Variants in LETM1 observed in about 807,000 individuals in gnomAD.
LETM1 encodes leucine zipper and EF-hand containing transmembrane protein 1, also known as mitochondrial proton/calcium exchanger protein.
Under a neutral mutation model 74.5 loss-of-function variants are expected in LETM1, and 50 were observed. That is an observed-to-expected ratio of 0.67 (90% CI 0.53 to 0.85). The LOEUF (loss-of-function observed/expected upper bound fraction) is 0.85, where lower values mean the gene tolerates loss of function less well. Among genes scored for constraint, LETM1 ranks in the 40% least tolerant of loss-of-function variants. The probability of loss-of-function intolerance (pLI) is 0.00; values close to 1 mark genes in which losing one functional copy is unlikely to be tolerated. For synonymous variants in LETM1, 446 were observed against 407.1 expected (o/e 1.10, Z -1.15); for missense variants, 824 against 967.8 (o/e 0.85, Z 1.97).
At chr4:1,825,738 G>A (rs1711965972) in intron 6 of LETM1, 55 bp from the exon 7 acceptor site, 1 of 1,552,422 alleles carries the variant, frequency 6.4e-7, no homozygotes. Context: ...GGGTGACAGT[G>A]TCTGTGTGAA....
intron 6 of LETM1, among the ~76,000 whole-genome samples, chr4:1,832,009 A>C (rs1029503960): frequency 3.3e-4 from 50 of 152,296 alleles, no homozygotes; most frequent in African/African-American, 1.2e-3. Flanking sequence ...GTATGAATAA[A>C]AGAGTAACCA....
At chr4:1,851,128 G>A (rs1713056786) in intron 1 of LETM1, among the ~76,000 whole-genome samples, 1 of 152,180 alleles carries the variant, frequency 6.6e-6, no homozygotes. Context: ...AGAGCCCATT[G>A]TGATCAAACT....
At chr4:1,833,116 G>A in intron 5 of LETM1, 169 bp from the exon 6 acceptor site, 2 of 618,328 alleles carry the variant, frequency 3.2e-6, no homozygotes, top group Non-Finnish European at 2.9e-6. Context: ...CTGTTACCCA[G>A]GCTGGAATGC....
chr4:1,855,392 C>T (rs548583645), intron 1 of LETM1, among the ~76,000 whole-genome samples: 1 of 152,296 alleles, frequency 6.6e-6, no homozygotes, highest in Non-Finnish European at 1.5e-5. Flanking sequence ...AATCACACCA[C>T]AGGGGTTTGT....
At position 1,823,625 on chromosome 4, in the gene LETM1, G is replaced by T; in HGVS notation, c.1332+19C>A. The T allele has an allele frequency of 1.2e-6, 2 of 1,612,596 alleles. No homozygotes were observed. Among genetic ancestry groups the T allele is most frequent in the Non-Finnish European group, 1.7e-6 (2 of 1,179,714 alleles). On this transcript the variant is annotated intron_variant, in intron 8 of 13. Coordinates refer to ENST00000302787, the MANE Select transcript of LETM1 (RefSeq NM_012318.3). ...ACCTATGAAGAGATGAGGTAAAAGG[G>T]GTCTCCGACAGCACGTACCACAATC...
chr4:1,841,279 C>A (rs572004461), intron 3 of LETM1, 68 bp downstream of exon 3: 4 of 1,436,074 alleles, frequency 2.8e-6, no homozygotes, highest in South Asian at 2.6e-5. Context: ...CAGGAAATTG[C>A]GCCACTGCAC....
intron 7 of LETM1, 70 bp downstream of exon 7, chr4:1,825,494 G>C: frequency 6.4e-7 from 1 of 1,554,816 alleles, no homozygotes; most frequent in Non-Finnish European, 8.8e-7. Flanking sequence ...AAGAGCCTCC[G>C]AGTGGCCTTT....
chr4:1,834,404 T>C lies in LETM1; in HGVS notation c.876+441A>G. 1 of 993,496 alleles carries C rather than the reference T, an allele frequency of 1.0e-6. No homozygotes were observed. The highest frequency in any genetic ancestry group is 1.2e-6 in the Non-Finnish European group (1 of 835,518). 61.5% of individuals were successfully genotyped at this position (993,496 alleles called of 1,614,324 possible). A position where few individuals can be genotyped will look rare whatever the true frequency, so the allele number is the denominator to read the frequency against. On this transcript the variant is annotated intron_variant, in intron 5 of 13. Transcript: ENST00000302787. The surrounding 1 kb of genome is among the most constrained non-coding windows in gnomAD (Gnocchi z 5.0). ...GACCGCAGGAAACCTCAAGGGCCGC[T>C]CCTCCTCTCCAGCCCCCACTGCTCC...
chr4:1,838,093 C>T (rs1424689845), intron 3 of LETM1, among the ~76,000 whole-genome samples: 1 of 151,260 alleles, frequency 6.6e-6, no homozygotes, highest in African/African-American at 2.4e-5. Flanking sequence ...ACAGGATTAT[C>T]TTTTTTTTTA....
chr4:1,844,086 G>A (rs896357314), intron 2 of LETM1, among the ~76,000 whole-genome samples: 3 of 152,164 alleles, frequency 2.0e-5, no homozygotes, highest in African/African-American at 4.8e-5. Context: ...ACGGGGTGTC[G>A]ACAGGCAAAG....
At chr4:1,842,738 C>G (rs1712747004) in intron 2 of LETM1, among the ~76,000 whole-genome samples, 1 of 152,226 alleles carries the variant, frequency 6.6e-6, no homozygotes, top group African/African-American at 2.4e-5. Flanking sequence ...TGTGCCATAT[C>G]CACCCACAGA....
chr4:1,815,586 T>A (rs1203372085), intron 13 of LETM1, 78 bp downstream of exon 13: 17 of 1,533,068 alleles, frequency 1.1e-5, no homozygotes, highest in Non-Finnish European at 1.5e-5. Context: ...GTGCCGGACA[T>A]GCAATGAACA....
At chr4:1,832,719 TG>T in intron 6 of LETM1, 24 bp downstream of exon 6, 1 of 1,607,248 alleles carries the variant, frequency 6.2e-7, no homozygotes. Context: ...ACCAGAGCTG[TG>T]GCGCGGAGTA....
rs569634874 is a variant in LETM1 at position 1,827,773 on chromosome 4, C to T, written c.1081-2090G>A. 3.3e-5 allele frequency among the ~76,000 whole-genome samples: 5 copies of T among 150,096 alleles called. No homozygotes were observed. The East Asian group carries it at 8.1e-4, about 24-fold the overall frequency. Reference sequence around the variant, plus strand: ...TTCTATTCCACAAAGCCGCCATTGTCATCCTGGCCCGTTCTCAATGAGCTG... The same window carrying T: ...TTCTATTCCACAAAGCCGCCATTGTTATCCTGGCCCGTTCTCAATGAGCTG... On this transcript the variant is annotated intron_variant, in intron 6 of 13. Coordinates refer to ENST00000302787, the MANE Select transcript of LETM1 (RefSeq NM_012318.3).
At chr4:1,829,893 CTT>C (rs1560489337) in intron 6 of LETM1, among the ~76,000 whole-genome samples, 2 of 152,284 alleles carry the variant, frequency 1.3e-5, no homozygotes, top group East Asian at 3.9e-4. Context: ...CACACGATGC[CTT>C]TCTCTCACTG....
intron 7 of LETM1, among the ~76,000 whole-genome samples, chr4:1,824,699 C>T (rs1711922071): frequency 6.6e-6 from 1 of 152,220 alleles, no homozygotes. Context: ...GCCGAGGGGC[C>T]TGGGCAGGGA....
chr4:1,821,982 C>A (rs1711794837), intron 10 of LETM1, among the ~76,000 whole-genome samples, 199 bp downstream of exon 10: 1 of 152,208 alleles, frequency 6.6e-6, no homozygotes, highest in Non-Finnish European at 1.5e-5. Context: ...CAGTGCGGAG[C>A]CCGGCCGGAC....
At chr4:1,817,551 A>T (rs1344234468) in intron 11 of LETM1, among the ~76,000 whole-genome samples, 2 of 152,166 alleles carry the variant, frequency 1.3e-5, no homozygotes, top group Non-Finnish European at 2.9e-5. Context: ...ACAGAGCGAG[A>T]CCCTATCTCA....
rs186956331 is a variant in LETM1, at chr4:1,823,617, G to A, written c.1332+27C>T. On this transcript the variant is annotated intron_variant, in intron 8 of 13. Transcript: ENST00000302787. ...GCGGAGCCACCTATGAAGAGATGAG[G>A]TAAAAGGGGTCTCCGACAGCACGTA... The A allele has an allele frequency of 8.1e-5, 131 of 1,611,408 alleles. 1 individual carries two copies. In the East Asian group the frequency reaches 2.9e-3, roughly 35 times the overall value.
Sources: gnomAD v4.1 joint callset for allele counts (sites outside exome capture counted in the v4.1 genomes callset) on GRCh38, gnomAD v4.1.1 for gene constraint, Gnocchi (gnomAD v3.1) non-coding constraint, MANE v1.5 for transcripts, NCBI Gene and HGNC (gene_info 2026-07-23, HGNC 2026-07-21) for gene names.